Variants in LINC00305 observed in about 807,000 individuals in gnomAD.
The protein encoded by LINC00305 is long intergenic non-protein coding RNA 305.
chr18:64,101,812 C>T (rs1443131583), intron 1 of LINC00305, among the ~76,000 whole-genome samples: 1 of 152,144 alleles, frequency 6.6e-6, no homozygotes, highest in African/African-American at 2.4e-5. Flanking sequence ...GGATCAGTTA[C>T]TCAAATGGAA....
At chr18:64,081,742 A>AAT (rs1462227611) in intron 3 of LINC00305, among the ~76,000 whole-genome samples, 1 of 152,186 alleles carries the variant, frequency 6.6e-6, no homozygotes, top group Admixed American at 6.5e-5. Context: ...AAGCTGTGAA[A>AAT]ATATTATGTG....
chr18:64,129,570 A>T (rs1273020178), intron 1 of LINC00305, among the ~76,000 whole-genome samples: 2 of 152,162 alleles, frequency 1.3e-5, no homozygotes, highest in Non-Finnish European at 2.9e-5. Flanking sequence ...AAATAAAAAT[A>T]GATTTGAATA....
chr18:64,148,577 T>A (rs1398265899), intron 1 of LINC00305, among the ~76,000 whole-genome samples: 1 of 152,044 alleles, frequency 6.6e-6, no homozygotes, highest in Non-Finnish European at 1.5e-5. Flanking sequence ...GAAAGCAAGA[T>A]GGGGGGTTAT....
chr18:64,091,416 A>G (rs561200888), intron 3 of LINC00305, among the ~76,000 whole-genome samples: 3 of 152,194 alleles, frequency 2.0e-5, no homozygotes, highest in Non-Finnish European at 4.4e-5. Context: ...GTTGGACTTC[A>G]TGTGCAAAAC....
chr18:64,140,731 C>T (rs952837664), intron 1 of LINC00305, among the ~76,000 whole-genome samples: 2 of 152,162 alleles, frequency 1.3e-5, no homozygotes, highest in African/African-American at 2.4e-5. Flanking sequence ...AGAGACTTTG[C>T]AGATGGCGTT....
chr18:64,124,291 C>T (rs989761192), intron 1 of LINC00305, among the ~76,000 whole-genome samples: 1 of 152,118 alleles, frequency 6.6e-6, no homozygotes, highest in Admixed American at 6.6e-5. Context: ...GGCCAGCCTG[C>T]AGTTCTGTAT....
At position 64,088,142 on chromosome 18, in the gene LINC00305, G is replaced by GA. The variant is rs375712817; in HGVS notation, n.541-7741dup. 8.9e-3 allele frequency among the ~76,000 whole-genome samples: 1,270 copies of GA among 142,552 alleles called. 14 individuals are homozygous for GA. The highest frequency in any genetic ancestry group is 0.028 in the African/African-American group (1,088 of 39,306). The allele number at this position is 142,552 out of a possible 152,430, so 93.5% of individuals were successfully genotyped here. Reference sequence around the variant, plus strand: ...GCGACAGAGCGAGACTCCGTATCAGGAAAAAAAAAAAAGAAAGTCAGAGAG... The same window carrying GA: ...GCGACAGAGCGAGACTCCGTATCAGGAAAAAAAAAAAAAGAAAGTCAGAGAG... On this transcript the variant is annotated intron_variant and non_coding_transcript_variant, in intron 3 of 3. Coordinates refer to ENST00000666468, the Ensembl canonical transcript of LINC00305.
intron 3 of LINC00305, among the ~76,000 whole-genome samples, chr18:64,094,380 G>A (rs10439075): frequency 0.069 from 10,491 of 152,188 alleles, 1,164 homozygotes; most frequent in African/African-American, 0.24. Context: ...TATTTGGAGT[G>A]GTGAAGGGAG....
chr18:64,086,516 G>C (rs1304768292), intron 3 of LINC00305, among the ~76,000 whole-genome samples: 5 of 152,168 alleles, frequency 3.3e-5, no homozygotes, highest in Non-Finnish European at 7.3e-5. Context: ...TGCTTGAAAG[G>C]GTACCAATAG....
intron 1 of LINC00305, among the ~76,000 whole-genome samples, chr18:64,099,622 G>A (rs2051260449): frequency 6.6e-6 from 1 of 152,136 alleles, no homozygotes. Flanking sequence ...TCCTGTAGTA[G>A]GATTTCACAG....
chr18:64,147,390 A>C (rs1380217071), intron 1 of LINC00305: 1 of 152,218 alleles, frequency 6.6e-6, no homozygotes, highest in Non-Finnish European at 1.5e-5. Flanking sequence ...AGTATTGAAT[A>C]CATTTACATA....
At chr18:64,144,511 G>A (rs1447708429) in intron 1 of LINC00305, among the ~76,000 whole-genome samples, 2 of 143,796 alleles carry the variant, frequency 1.4e-5, no homozygotes, top group Non-Finnish European at 3.1e-5. Flanking sequence ...CATTATTAAT[G>A]ATTAATTTTT....
intron 1 of LINC00305, among the ~76,000 whole-genome samples, chr18:64,142,119 C>T (rs1384682684): frequency 6.6e-6 from 1 of 152,096 alleles, no homozygotes; most frequent in Non-Finnish European, 1.5e-5. Context: ...TGGTGAGTGG[C>T]GAGTTGGGGT....
At chr18:64,147,465 T>C (rs2051503533) in intron 1 of LINC00305, 1 of 152,172 alleles carries the variant, frequency 6.6e-6, no homozygotes, top group Non-Finnish European at 1.5e-5. Context: ...CTATCTTCTG[T>C]TTTTAACATT....
intron 3 of LINC00305, among the ~76,000 whole-genome samples, chr18:64,092,455 A>G (rs1242423008): frequency 6.6e-6 from 1 of 152,110 alleles, no homozygotes; most frequent in African/African-American, 2.4e-5. Flanking sequence ...CCAGCTACTC[A>G]GGAGGCTGAG....
chr18:64,126,919 T>G (rs2051387907), intron 1 of LINC00305, among the ~76,000 whole-genome samples: 2 of 152,176 alleles, frequency 1.3e-5, no homozygotes, highest in South Asian at 4.1e-4. Context: ...AAGGAAAATA[T>G]TTCAGACATT....
intron 1 of LINC00305, among the ~76,000 whole-genome samples, chr18:64,108,394 C>T (rs778082808): frequency 2.0e-5 from 3 of 152,150 alleles, no homozygotes; most frequent in African/African-American, 4.8e-5. Flanking sequence ...GTGGTCCATT[C>T]GCCCTCCTCA....
intron 1 of LINC00305, among the ~76,000 whole-genome samples, chr18:64,114,620 C>G (rs1159939415): frequency 1.3e-5 from 2 of 152,232 alleles, no homozygotes; most frequent in African/African-American, 4.8e-5. Context: ...GCGATCTTGG[C>G]TCACTTCAAC....
At chr18:64,133,714 A>G (rs2144270629) in intron 1 of LINC00305, among the ~76,000 whole-genome samples, 1 of 152,220 alleles carries the variant, frequency 6.6e-6, no homozygotes, top group South Asian at 2.1e-4. Flanking sequence ...AATCCTACTT[A>G]CTTCTTCAGG....
Sources: allele counts gnomAD v4.1 joint callset (sites outside exome capture counted in the v4.1 genomes callset), GRCh38; gene constraint gnomAD v4.1.1; transcripts MANE v1.5; gene names NCBI Gene and HGNC (gene_info 2026-07-23, HGNC 2026-07-21).